Variants in AGBL4 observed in about 807,000 individuals in gnomAD.
AGBL4 encodes the protein AGBL carboxypeptidase 4.
A neutral mutation model predicts 66.4 loss-of-function variants in AGBL4; 58 were observed. That is an observed-to-expected ratio of 0.87 (90% CI 0.71 to 1.09). The LOEUF (loss-of-function observed/expected upper bound fraction) is 1.09, where lower values mean the gene tolerates loss of function less well. Ranked by LOEUF, AGBL4 falls within the 50% of genes least tolerant of loss-of-function variation. The pLI, the probability that AGBL4 is intolerant of heterozygous loss-of-function variation, is 0.00. For synonymous variants in AGBL4, 234 were observed against 222.9 expected (o/e 1.05, Z -0.44); for missense variants, 579 against 631.0 (o/e 0.92, Z 0.88).
chr1:48,582,933 C>T (rs758475974), intron 11 of AGBL4, among the ~76,000 whole-genome samples: 4 of 152,136 alleles, frequency 2.6e-5, no homozygotes, highest in South Asian at 2.1e-4. Flanking sequence ...GTCTGTGGAG[C>T]GGCGGACACT....
intron 3 of AGBL4, among the ~76,000 whole-genome samples, chr1:49,269,977 C>A (rs983855102): frequency 1.3e-5 from 2 of 152,130 alleles, no homozygotes; most frequent in African/African-American, 4.8e-5. Flanking sequence ...ACCTCATAAA[C>A]TGATGAAAAA....
At chr1:48,854,314 T>C (rs540142521) in intron 6 of AGBL4, among the ~76,000 whole-genome samples, 2 of 152,282 alleles carry the variant, frequency 1.3e-5, no homozygotes, top group Non-Finnish European at 2.9e-5. Context: ...TGTGGTCTGC[T>C]CTCCCCAGGG....
At chr1:48,692,803 C>T (rs1196225478) in intron 6 of AGBL4, among the ~76,000 whole-genome samples, 13 of 152,202 alleles carry the variant, frequency 8.5e-5, no homozygotes, top group Non-Finnish European at 1.5e-4. Context: ...TCACTCTCTC[C>T]TCTTCTTACA....
intron 3 of AGBL4, among the ~76,000 whole-genome samples, chr1:49,357,841 C>T (rs1174775390): frequency 6.6e-6 from 1 of 152,170 alleles, no homozygotes; most frequent in Non-Finnish European, 1.5e-5. Flanking sequence ...CTTTCTACTT[C>T]CTCCATCTCA....
At chr1:48,973,882 T>C (rs935017788) in intron 5 of AGBL4, among the ~76,000 whole-genome samples, 4 of 152,186 alleles carry the variant, frequency 2.6e-5, no homozygotes, top group African/African-American at 7.2e-5. Flanking sequence ...TTAGAGATAG[T>C]AGCGTTGGGG....
At chr1:49,822,302 T>C (rs933527882) in intron 2 of AGBL4, among the ~76,000 whole-genome samples, 2 of 149,794 alleles carry the variant, frequency 1.3e-5, no homozygotes, top group African/African-American at 2.5e-5. Flanking sequence ...TTCTTTTTCT[T>C]CTTTCTTCGT....
chr1:49,994,043 G>A (rs545362504), intron 1 of AGBL4, among the ~76,000 whole-genome samples: 30 of 152,132 alleles, frequency 2.0e-4, no homozygotes, highest in Admixed American at 1.1e-3. Context: ...TCAGCTGTAC[G>A]ATGTTTTTGG....
intron 6 of AGBL4, among the ~76,000 whole-genome samples, chr1:48,772,458 A>G (rs1413535488): frequency 6.6e-6 from 1 of 152,054 alleles, no homozygotes; most frequent in Non-Finnish European, 1.5e-5. Context: ...TGATTAATCC[A>G]CCTTGGCTGG....
chr1:50,006,169 C>T (rs1284289261), intron 1 of AGBL4, among the ~76,000 whole-genome samples: 1 of 152,068 alleles, frequency 6.6e-6, no homozygotes, highest in Non-Finnish European at 1.5e-5. Context: ...GAAACCCCAT[C>T]TCTACTAAAA....
At position 49,162,129 on chromosome 1, in the gene AGBL4, T is replaced by C. The variant is rs80329018; in HGVS notation, c.377+83641A>G. On this transcript the variant is annotated intron_variant, in intron 4 of 13. Transcript: ENST00000371839. The stretch of plus-strand genomic sequence containing the variant: ...AATATATGTTAAGCACTTAGCATTA[T>C]GGTCAGTAATTAGTCTGCAATCAAT... Among the ~76,000 whole-genome samples, 902 of 152,346 alleles carry C rather than the reference T, an allele frequency of 5.9e-3. 4 individuals are homozygous for C. Among genetic ancestry groups the C allele is most frequent in the Middle Eastern group, 0.01 (3 of 294 alleles).
At chr1:49,385,242 T>C (rs1333216582) in intron 3 of AGBL4, among the ~76,000 whole-genome samples, 1 of 152,158 alleles carries the variant, frequency 6.6e-6, no homozygotes, top group Non-Finnish European at 1.5e-5. Context: ...ATCATACAGT[T>C]AACACTACTG....
chr1:49,323,322 G>A (rs894554499), intron 3 of AGBL4, among the ~76,000 whole-genome samples: 1 of 151,798 alleles, frequency 6.6e-6, no homozygotes, highest in Non-Finnish European at 1.5e-5. Context: ...TTGCTCTGCC[G>A]CCAGGCTGGA....
chr1:49,721,411 T>G (rs1292708660), intron 2 of AGBL4, among the ~76,000 whole-genome samples: 1 of 152,042 alleles, frequency 6.6e-6, no homozygotes, highest in Non-Finnish European at 1.5e-5. Flanking sequence ...TTGAAGTCAG[T>G]GAGACCACAA....
intron 2 of AGBL4, among the ~76,000 whole-genome samples, chr1:49,795,229 A>T (rs1289405529): frequency 6.6e-6 from 1 of 152,006 alleles, no homozygotes; most frequent in African/African-American, 2.4e-5. Context: ...ATTCTAAAGT[A>T]TATGAGGACT....
At chr1:49,737,295 A>G (rs1649974758) in intron 2 of AGBL4, among the ~76,000 whole-genome samples, 1 of 152,218 alleles carries the variant, frequency 6.6e-6, no homozygotes, top group Non-Finnish European at 1.5e-5. Context: ...ATGCCCATCA[A>G]TGCTAGATTG....
At chr1:49,294,232 T>A (rs1287318523) in intron 3 of AGBL4, among the ~76,000 whole-genome samples, 4 of 152,226 alleles carry the variant, frequency 2.6e-5, no homozygotes, top group African/African-American at 9.6e-5. Flanking sequence ...ATAGGGAGAC[T>A]ACATTTCCTG....
At chr1:49,034,010 T>A in intron 5 of AGBL4, among the ~76,000 whole-genome samples, 1 of 151,932 alleles carries the variant, frequency 6.6e-6, no homozygotes, top group Non-Finnish European at 1.5e-5. Context: ...GCCAATCCCA[T>A]GACAAGGGGT....
intron 4 of AGBL4, among the ~76,000 whole-genome samples, chr1:49,094,136 T>C (rs1645049141): frequency 6.6e-6 from 1 of 152,088 alleles, no homozygotes; most frequent in Admixed American, 6.6e-5. Flanking sequence ...AGGATTCTCA[T>C]ACAGTGCTGG....
intron 3 of AGBL4, among the ~76,000 whole-genome samples, chr1:49,263,395 G>T (rs1653420022): frequency 6.6e-6 from 1 of 151,524 alleles, no homozygotes; most frequent in African/African-American, 2.4e-5. Flanking sequence ...TCCTCACAAT[G>T]GTTTAATATG....
Sources: allele counts gnomAD v4.1 joint callset (sites outside exome capture counted in the v4.1 genomes callset), GRCh38; gene constraint gnomAD v4.1.1; transcripts MANE v1.5; gene names NCBI Gene and HGNC (gene_info 2026-07-23, HGNC 2026-07-21).